Variants in NUBPL observed in about 807,000 individuals in gnomAD.
The protein encoded by NUBPL is NUBP iron-sulfur cluster assembly factor, mitochondrial.
A neutral mutation model predicts 45.7 loss-of-function variants in NUBPL; 31 were observed. The observed-to-expected ratio is 0.68, with a 90% CI of 0.51 to 0.92. The LOEUF is 0.92. Ranked by LOEUF, NUBPL falls within the 40% of genes least tolerant of loss-of-function variation. NUBPL has a pLI of 0.00. For missense variants in NUBPL, 401 were observed against 398.7 expected, an observed-to-expected ratio of 1.01 and a Z score of -0.05; for synonymous variants, 144 against 140.9, an observed-to-expected ratio of 1.02 and a Z score of -0.15.
intron 6 of NUBPL, among the ~76,000 whole-genome samples, chr14:31,774,027 C>A (rs2039056019): frequency 6.6e-6 from 1 of 152,200 alleles, no homozygotes; most frequent in South Asian, 2.1e-4. Context: ...TCTTTTACTT[C>A]ATGATTTCTC....
chr14:31,718,100 C>G (rs556415839), intron 6 of NUBPL, among the ~76,000 whole-genome samples: 1 of 152,258 alleles, frequency 6.6e-6, no homozygotes, highest in Non-Finnish European at 1.5e-5. Flanking sequence ...AAAATATATT[C>G]TCTTTTTTTA....
intron 8 of NUBPL, among the ~76,000 whole-genome samples, chr14:31,832,946 C>G (rs1227138548): frequency 6.6e-6 from 1 of 152,292 alleles, no homozygotes; most frequent in East Asian, 1.9e-4. Flanking sequence ...TCTAAGCACT[C>G]AATGTTTACA....
intron 7 of NUBPL, among the ~76,000 whole-genome samples, chr14:31,815,764 G>A (rs890799847): frequency 7.3e-5 from 11 of 150,886 alleles, no homozygotes; most frequent in Non-Finnish European, 1.3e-4. Context: ...GAATTTTATC[G>A]AAGGCCTTTT....
At chr14:31,578,085 C>A in intron 3 of NUBPL, 1 of 718,470 alleles carries the variant, frequency 1.4e-6, no homozygotes, top group South Asian at 1.4e-5. Flanking sequence ...GAATGCATTA[C>A]TGGGTTTTCT....
At chr14:31,659,668 A>G (rs2036222779) in intron 4 of NUBPL, among the ~76,000 whole-genome samples, 2 of 152,210 alleles carry the variant, frequency 1.3e-5, no homozygotes, top group Non-Finnish European at 2.9e-5. Flanking sequence ...AATCTGATGT[A>G]TCACCCCTGC....
chr14:31,652,875 A>G (rs1206139210), intron 4 of NUBPL, among the ~76,000 whole-genome samples: 1 of 152,058 alleles, frequency 6.6e-6, no homozygotes, highest in Non-Finnish European at 1.5e-5. Context: ...GGTTCTTTCT[A>G]TTTTCCCTAC....
intron 6 of NUBPL, among the ~76,000 whole-genome samples, chr14:31,691,952 G>A (rs1201820513): frequency 6.6e-6 from 1 of 152,132 alleles, no homozygotes; most frequent in Non-Finnish European, 1.5e-5. Context: ...AGAAGGAAGG[G>A]AAAAGATTGA....
intron 6 of NUBPL, among the ~76,000 whole-genome samples, chr14:31,749,652 A>G (rs1320284519): frequency 2.0e-5 from 3 of 150,474 alleles, no homozygotes; most frequent in Non-Finnish European, 4.4e-5. Context: ...TTCGTTTTTG[A>G]TATTTTGATT....
intron 7 of NUBPL, among the ~76,000 whole-genome samples, chr14:31,819,498 A>G (rs968765756): frequency 2.6e-5 from 4 of 152,294 alleles, no homozygotes; most frequent in East Asian, 1.9e-4. Context: ...GATACAATCT[A>G]TGCCCTGGGG....
intron 3 of NUBPL, among the ~76,000 whole-genome samples, chr14:31,595,112 A>G (rs2034248967): frequency 6.6e-6 from 1 of 152,248 alleles, no homozygotes; most frequent in Non-Finnish European, 1.5e-5. Context: ...AATCCAACAC[A>G]CAAAAATAAG....
chr14:31,700,530 C>T (rs1426552457), intron 6 of NUBPL, among the ~76,000 whole-genome samples: 9 of 152,062 alleles, frequency 5.9e-5, no homozygotes, highest in Admixed American at 4.6e-4. Context: ...CCTCTGCTTG[C>T]GGGGAGGTGT....
At position 31,787,892 on chromosome 14, in the gene NUBPL, A is replaced by G; in HGVS notation, c.607+19A>G. The G allele has an allele frequency of 6.5e-7, 1 of 1,542,618 alleles. No homozygotes were observed. The highest frequency in any genetic ancestry group is 9.0e-7 in the Non-Finnish European group (1 of 1,115,418). On this transcript the variant is annotated intron_variant, in intron 7 of 10. Coordinates refer to ENST00000281081, the MANE Select transcript of NUBPL (RefSeq NM_025152.3). ...ATAACAGGTAAATCTTCAAAGTTTA[A>G]AGTAATTTGTACTTTTTTTGATGTG...
rs546477652 is a variant in NUBPL, at chr14:31,783,977, A to C, written c.514-3803A>C. ...GCCGGTGCTAGGAGTTTTAGTGCCA[A>C]GAATGTAAAAGGAAAATGATCCTTC... On this transcript the variant is annotated intron_variant, in intron 6 of 10. Coordinates refer to ENST00000281081, the MANE Select transcript of NUBPL (RefSeq NM_025152.3). 7.9e-5 allele frequency among the ~76,000 whole-genome samples: 12 copies of C among 152,342 alleles called. No homozygotes were observed. The East Asian group carries it at 2.3e-3, about 29-fold the overall frequency.
Position 31,859,190 on chromosome 14 carries a change from T to A in NUBPL, c.*10T>A. On this transcript the variant is annotated 3_prime_UTR_variant, in exon 11 of 11. Transcript: ENST00000281081. ...ATCACCTTCAGAATGATTCCCCAAG[T>A]GTCCTGGAAATTTGCCTGGTACTGA... The A allele has an allele frequency of 1.9e-6, 3 of 1,612,866 alleles. No individual in the cohort carries two copies. The highest frequency in any genetic ancestry group is 1.7e-6 in the Non-Finnish European group (2 of 1,178,968).
intron 6 of NUBPL, among the ~76,000 whole-genome samples, chr14:31,764,312 A>AT (rs980018677): frequency 6.6e-6 from 1 of 152,130 alleles, no homozygotes; most frequent in African/African-American, 2.4e-5. Context: ...AACTGAGATG[A>AT]TTTTCACCAA....
At chr14:31,759,414 TTA>T (rs1162965608) in intron 6 of NUBPL, among the ~76,000 whole-genome samples, 1 of 151,994 alleles carries the variant, frequency 6.6e-6, no homozygotes, top group African/African-American at 2.4e-5. Context: ...ATTTTTATAT[TTA>T]TTAATTTTGA....
At chr14:31,793,183 T>C (rs1056139300) in intron 7 of NUBPL, among the ~76,000 whole-genome samples, 1 of 152,054 alleles carries the variant, frequency 6.6e-6, no homozygotes, top group African/African-American at 2.4e-5. Context: ...TCCTTCCCAG[T>C]AAACACCTTC....
At chr14:31,710,255 A>T (rs2139921252) in intron 6 of NUBPL, among the ~76,000 whole-genome samples, 1 of 152,210 alleles carries the variant, frequency 6.6e-6, no homozygotes, top group East Asian at 1.9e-4. Context: ...AACCGCCCGC[A>T]GATTTGGTTT....
At chr14:31,812,706 A>G (rs1333311555) in intron 7 of NUBPL, among the ~76,000 whole-genome samples, 3 of 152,146 alleles carry the variant, frequency 2.0e-5, no homozygotes, top group Non-Finnish European at 4.4e-5. Context: ...GAAATCACCC[A>G]TCTCCTGTGT....
Sources: allele counts gnomAD v4.1 joint callset (sites outside exome capture counted in the v4.1 genomes callset), GRCh38; gene constraint gnomAD v4.1.1; transcripts MANE v1.5; gene names NCBI Gene and HGNC (gene_info 2026-07-23, HGNC 2026-07-21).